The following NUP155 variants were observed in gnomAD, a reference collection of about 807,000 sequenced individuals.
NUP155 encodes the protein nucleoporin 155.
In NUP155, 71 loss-of-function variants were observed where a neutral mutation model predicts 180.4. The ratio of observed to expected loss-of-function variants is 0.39; its 90% CI spans 0.33 to 0.48. NUP155 has a LOEUF of 0.48. NUP155 is among the 20% of genes least tolerant of loss of function. The probability of loss-of-function intolerance (pLI) is 0.91; values close to 1 mark genes in which losing one functional copy is unlikely to be tolerated. For missense variants in NUP155, 1,553 were observed against 1,648.9 expected, an observed-to-expected ratio of 0.94 and a Z score of 1.01; for synonymous variants, 582 against 559.5, an observed-to-expected ratio of 1.04 and a Z score of -0.57.
chr5:37,331,424 A>C (rs1220856466), intron 14 of NUP155, among the ~76,000 whole-genome samples: 3 of 152,082 alleles, frequency 2.0e-5, no homozygotes, highest in Non-Finnish European at 2.9e-5. Context: ...AAAATACAAA[A>C]TTAGTTGGGA....
intron 10 of NUP155, among the ~76,000 whole-genome samples, chr5:37,341,603 C>T (rs1188493729): frequency 1.3e-5 from 2 of 152,052 alleles, no homozygotes; most frequent in Non-Finnish European, 2.9e-5. Flanking sequence ...TGTAGTGGCG[C>T]GATCTTGGCT....
Position 37,307,435 on chromosome 5 carries a change from G to A in NUP155, c.2768-3C>T. ...CACCACACCCTCATAAAATCTCACT[G>A]ATGGGAAAGAAAAGAATGAAGACCT... On this transcript the variant is annotated splice_polypyrimidine_tract_variant and splice_region_variant and intron_variant, in intron 24 of 34. Transcript: ENST00000231498. The A allele has an allele frequency of 6.2e-7, 1 of 1,613,880 alleles. No homozygotes were observed. The highest frequency in any genetic ancestry group is 8.5e-7 in the Non-Finnish European group (1 of 1,179,888).
chr5:37,361,756 A>G (rs1287858798), intron 3 of NUP155, among the ~76,000 whole-genome samples: 2 of 152,210 alleles, frequency 1.3e-5, no homozygotes, highest in Admixed American at 1.3e-4. Flanking sequence ...TGATTTTTTA[A>G]AATAAGTACA....
chr5:37,370,777 G>C (rs1747910707), intron 1 of NUP155, 44 bp downstream of exon 1: 1 of 1,613,720 alleles, frequency 6.2e-7, no homozygotes, highest in Admixed American at 1.7e-5. Context: ...AGGAAGTCAG[G>C]CGAGAGTCCT....
At chr5:37,325,043 C>T (rs1186555467) in intron 19 of NUP155, among the ~76,000 whole-genome samples, 2 of 152,038 alleles carry the variant, frequency 1.3e-5, no homozygotes, top group African/African-American at 2.4e-5. Context: ...CCCAGCTACT[C>T]GTGAGGCTGT....
In NUP155 at chr5:37,371,077, C is replaced by A. The variant is rs1747942515; in HGVS notation, c.-100G>T. 3.9e-6 allele frequency: 5 copies of A among 1,296,184 alleles called. No homozygotes were observed. In the African/African-American group the frequency reaches 7.4e-5, roughly 19 times the overall value. 80.3% of individuals were successfully genotyped at this position (1,296,184 alleles called of 1,614,324 possible). On this transcript the variant is annotated 5_prime_UTR_variant, in exon 1 of 35. Transcript: ENST00000231498. ...GCTTAGATCCGCCGCCTAGGGCGCG[C>A]GCGCCAAACGAGCGCCTTGGCGCCT...
chr5:37,330,577 T>C (rs1744890961), intron 14 of NUP155, among the ~76,000 whole-genome samples: 1 of 152,202 alleles, frequency 6.6e-6, no homozygotes, highest in East Asian at 1.9e-4. Context: ...GTGGTGGAGC[T>C]GGGATTTTTA....
chr5:37,337,718 A>G (rs1219331974), intron 12 of NUP155, 100 bp downstream of exon 12: 1 of 698,838 alleles, frequency 1.4e-6, no homozygotes, highest in Non-Finnish European at 2.5e-6. Context: ...ATACGTTATT[A>G]GAAGCAAACA....
intron 9 of NUP155, among the ~76,000 whole-genome samples, chr5:37,343,729 A>T (rs1343476571): frequency 6.6e-6 from 1 of 151,990 alleles, no homozygotes; most frequent in Non-Finnish European, 1.5e-5. Flanking sequence ...CGTCTCTACT[A>T]AAAATACAAA....
At chr5:37,358,018 GTCTATACCA>G in intron 4 of NUP155, 54 bp downstream of exon 4, 1 of 1,128,744 alleles carries the variant, frequency 8.9e-7, no homozygotes, top group Non-Finnish European at 1.4e-6. Flanking sequence ...TGTTGTTCAG[GTCTATACCA>G]TTTGGAGTTT....
At chr5:37,323,604 A>G (rs965763391) in intron 20 of NUP155, among the ~76,000 whole-genome samples, 4 of 132,346 alleles carry the variant, frequency 3.0e-5, no homozygotes, top group African/African-American at 1.2e-4. Context: ...TTCCATTTAT[A>G]TAACTATATT....
At chr5:37,308,558 C>A (rs966908505) in intron 24 of NUP155, among the ~76,000 whole-genome samples, 5 of 151,952 alleles carry the variant, frequency 3.3e-5, no homozygotes, top group Admixed American at 3.3e-4. Context: ...ATTAGCCGGG[C>A]ATGGTGGCAG....
At chr5:37,314,517 T>C (rs907041645) in intron 21 of NUP155, among the ~76,000 whole-genome samples, 189 bp from the exon 22 acceptor site, 1 of 152,230 alleles carries the variant, frequency 6.6e-6, no homozygotes, top group African/African-American at 2.4e-5. Context: ...GCTTCTGTGT[T>C]TGTGTAGGTA....
At chr5:37,367,621 C>T (rs1187433705) in intron 1 of NUP155, among the ~76,000 whole-genome samples, 2 of 151,798 alleles carry the variant, frequency 1.3e-5, no homozygotes, top group Admixed American at 6.6e-5. Flanking sequence ...CAAGCTCCGC[C>T]TCCCGGGTTC....
chr5:37,294,618 A>T (rs1441289974), intron 32 of NUP155, among the ~76,000 whole-genome samples, 153 bp from the exon 33 acceptor site: 1 of 152,086 alleles, frequency 6.6e-6, no homozygotes, highest in Non-Finnish European at 1.5e-5. Context: ...TATGTTGCCC[A>T]GACTAGAAAT....
rs921705734 is a variant in NUP155, at chr5:37,364,451, A to T, written c.158-67T>A. The T allele has an allele frequency of 2.8e-6, 4 of 1,418,710 alleles. No homozygotes were observed. In the African/African-American group the frequency reaches 5.7e-5, roughly 20 times the overall value. The allele number at this position is 1,418,710 out of a possible 1,614,324, so 87.9% of individuals were successfully genotyped here. The stretch of plus-strand genomic sequence containing the variant: ...ATCAACCGGGCAAACAAAAGGATTG[A>T]GTGCCACAAAAAAATTGTTGTGTGT... On this transcript the variant is annotated intron_variant, in intron 1 of 34. Transcript: ENST00000231498.
At chr5:37,346,949 C>T (rs1383959128) in intron 9 of NUP155, among the ~76,000 whole-genome samples, 2 of 151,222 alleles carry the variant, frequency 1.3e-5, no homozygotes, top group East Asian at 2.0e-4. Flanking sequence ...GAGTAGTGGC[C>T]GGGTGCAGTG....
At chr5:37,311,432 C>T (rs1019656175) in intron 22 of NUP155, among the ~76,000 whole-genome samples, 4 of 151,744 alleles carry the variant, frequency 2.6e-5, no homozygotes, top group African/African-American at 9.7e-5. Flanking sequence ...TATTATTCTA[C>T]TTGGTATGAA....
chr5:37,370,922 A>C lies in NUP155; in HGVS notation c.56T>G (p.Leu19Arg), dbSNP rs762703704. The change falls in exon 1 of 35, where the codon CTG becomes CGG. Residue 19 changes from leucine (L) to arginine (R), a missense_variant. By Grantham distance (102) the Leu-to-Arg change is moderately radical (BLOSUM62 -2). Coordinates refer to ENST00000231498, the MANE Select transcript of NUP155 (RefSeq NM_153485.3). ...AMPASTSAAA[L>R]QEALENAGRL... ...TCCAGCATTTTCCAGAGCTTCCTGCAGGGCTGCGGCAGATGTAGAGGCCGG... is the reference window on the plus strand; with the variant it reads ...TCCAGCATTTTCCAGAGCTTCCTGCCGGGCTGCGGCAGATGTAGAGGCCGG... The C allele has an allele frequency of 6.2e-7, 1 of 1,614,212 alleles. No individual in the cohort carries two copies. The highest frequency in any genetic ancestry group is 2.2e-5 in the East Asian group (1 of 44,886).
Sources: allele counts gnomAD v4.1 joint callset (sites outside exome capture counted in the v4.1 genomes callset), GRCh38; gene constraint gnomAD v4.1.1; transcripts MANE v1.5; gene names NCBI Gene and HGNC (gene_info 2026-07-23, HGNC 2026-07-21).